GAD2: variants seen among roughly 807,000 people sequenced by gnomAD.
The protein encoded by GAD2 is 65 kDa glutamic acid decarboxylase.
GAD2 carries 22 observed loss-of-function variants against 80.1 expected under a neutral mutation model. That is an observed-to-expected ratio of 0.27 (90% CI 0.20 to 0.39). GAD2 has a LOEUF of 0.39. Ranked by LOEUF, GAD2 falls within the 10% of genes least tolerant of loss-of-function variation. The pLI is 1.00. For synonymous variants in GAD2, 274 were observed against 256.9 expected (o/e 1.07, Z -0.64); for missense variants, 624 against 738.4 (o/e 0.85, Z 1.80).
intron 8 of GAD2, among the ~76,000 whole-genome samples, chr10:26,268,467 CAAAA>C (rs398045927): frequency 9.6e-5 from 9 of 93,620 alleles, no homozygotes; most frequent in Admixed American, 2.4e-4. Flanking sequence ...GACTCTGTCT[CAAAA>C]AAAAAAAAAA....
intron 12 of GAD2, among the ~76,000 whole-genome samples, chr10:26,283,872 A>T (rs985954404): frequency 6.6e-6 from 1 of 152,234 alleles, no homozygotes; most frequent in Non-Finnish European, 1.5e-5. Flanking sequence ...TGGCAATTTG[A>T]TGTTACCGTT....
intron 9 of GAD2, among the ~76,000 whole-genome samples, chr10:26,269,809 G>A (rs967106667): frequency 6.6e-6 from 1 of 152,212 alleles, no homozygotes; most frequent in Non-Finnish European, 1.5e-5. Flanking sequence ...TAGGAACTCA[G>A]AAATAATGAT....
intron 7 of GAD2, among the ~76,000 whole-genome samples, chr10:26,237,368 G>C (rs550066785): frequency 6.6e-6 from 1 of 152,088 alleles, no homozygotes; most frequent in African/African-American, 2.4e-5. Context: ...ATGACCCTTC[G>C]TCTCCTCCTC....
At chr10:26,294,836 G>A (rs1834255978) in intron 15 of GAD2, among the ~76,000 whole-genome samples, 1 of 152,128 alleles carries the variant, frequency 6.6e-6, no homozygotes, top group South Asian at 2.1e-4. Flanking sequence ...GCTGTCATTT[G>A]AGAGGAAAAA....
At chr10:26,297,002 C>T (rs1481043975) in intron 15 of GAD2, among the ~76,000 whole-genome samples, 1 of 152,064 alleles carries the variant, frequency 6.6e-6, no homozygotes, top group Non-Finnish European at 1.5e-5. Flanking sequence ...GCAACCTCCA[C>T]CTCTCAGGTT....
At position 26,225,696 on chromosome 10, in the gene GAD2, A is replaced by C. The variant is rs556657971; in HGVS notation, c.724+1045A>C. 2.6e-5 allele frequency among the ~76,000 whole-genome samples: 4 copies of C among 152,358 alleles called. No individual in the cohort carries two copies. The South Asian group carries it at 8.3e-4, about 32-fold the overall frequency. On this transcript the variant is annotated intron_variant, in intron 6 of 15. Coordinates refer to ENST00000376261, the MANE Select transcript of GAD2 (RefSeq NM_001134366.2). ...AAGAGTGACCCCAAGGCCAGGGCTTAAGTTAAGCATGTTTGCCTGCAAGCT... is the reference window on the plus strand; with the variant it reads ...AAGAGTGACCCCAAGGCCAGGGCTTCAGTTAAGCATGTTTGCCTGCAAGCT...
intron 7 of GAD2, among the ~76,000 whole-genome samples, chr10:26,233,012 T>C (rs913234564): frequency 6.6e-6 from 1 of 152,040 alleles, no homozygotes; most frequent in Non-Finnish European, 1.5e-5. Flanking sequence ...TTTTTTAATA[T>C]ATAACACCTT....
chr10:26,259,183 A>G (rs1418294497), intron 8 of GAD2, among the ~76,000 whole-genome samples: 2 of 152,142 alleles, frequency 1.3e-5, no homozygotes, highest in African/African-American at 2.4e-5. Flanking sequence ...TTACATCTTC[A>G]AGACTCTGCT....
At chr10:26,280,670 C>A (rs892830610) in intron 11 of GAD2, among the ~76,000 whole-genome samples, 3 of 151,984 alleles carry the variant, frequency 2.0e-5, no homozygotes, top group African/African-American at 7.3e-5. Flanking sequence ...ATTTTCCTTT[C>A]ACACATATTT....
chr10:26,228,506 G>A (rs1227272549), intron 6 of GAD2, among the ~76,000 whole-genome samples: 2 of 152,212 alleles, frequency 1.3e-5, no homozygotes, highest in East Asian at 1.9e-4. Context: ...GATGGACGTG[G>A]AGGTTTATCC....
chr10:26,281,868 C>G (rs958023165), intron 12 of GAD2, among the ~76,000 whole-genome samples: 2 of 152,134 alleles, frequency 1.3e-5, no homozygotes, highest in Admixed American at 1.3e-4. Context: ...TCAGATGATC[C>G]CCATTCAATT....
chr10:26,278,536 A>T (rs1262350439), intron 11 of GAD2, among the ~76,000 whole-genome samples: 1 of 152,148 alleles, frequency 6.6e-6, no homozygotes, highest in Non-Finnish European at 1.5e-5. Context: ...AACCCATACT[A>T]TCTGGCTCCT....
At chr10:26,238,898 A>T (rs1218929882) in intron 7 of GAD2, among the ~76,000 whole-genome samples, 1 of 152,176 alleles carries the variant, frequency 6.6e-6, no homozygotes, top group African/African-American at 2.4e-5. Flanking sequence ...GTATAGGAGC[A>T]AGCGAATGGA....
chr10:26,225,796 G>T (rs1312759484), intron 6 of GAD2, among the ~76,000 whole-genome samples: 1 of 152,192 alleles, frequency 6.6e-6, no homozygotes, highest in African/African-American at 2.4e-5. Flanking sequence ...TTAGTTAAAT[G>T]GAAGGGAAAA....
intron 8 of GAD2, among the ~76,000 whole-genome samples, chr10:26,266,926 T>A (rs1422152532): frequency 6.6e-6 from 1 of 152,220 alleles, no homozygotes; most frequent in African/African-American, 2.4e-5. Flanking sequence ...CCTGGACTTT[T>A]ACCAGTATTT....
intron 12 of GAD2, among the ~76,000 whole-genome samples, chr10:26,284,715 G>A (rs1015792672): frequency 1.7e-4 from 26 of 152,006 alleles, no homozygotes; most frequent in African/African-American, 6.3e-4. Context: ...GGAACTACAG[G>A]CACCCACCAC....
chr10:26,260,525 G>C (rs956577115), intron 8 of GAD2, among the ~76,000 whole-genome samples: 10 of 152,158 alleles, frequency 6.6e-5, no homozygotes, highest in Non-Finnish European at 1.2e-4. Flanking sequence ...CTACTCGGGA[G>C]GCTGAGGCAG....
intron 10 of GAD2, 123 bp from the exon 11 acceptor site, chr10:26,273,513 A>G: frequency 1.3e-6 from 1 of 748,518 alleles, no homozygotes; most frequent in South Asian, 1.5e-5. Flanking sequence ...TAGTGCCAGA[A>G]GGAGGTGGTC....
At chr10:26,275,142 TAAAAG>T (rs1845184198) in intron 11 of GAD2, among the ~76,000 whole-genome samples, 1 of 151,992 alleles carries the variant, frequency 6.6e-6, no homozygotes, top group Non-Finnish European at 1.5e-5. Flanking sequence ...GGAGAGACAA[TAAAAG>T]AGAGAGAGAG....
Sources: allele counts gnomAD v4.1 joint callset (sites outside exome capture counted in the v4.1 genomes callset), GRCh38; gene constraint gnomAD v4.1.1; transcripts MANE v1.5; gene names NCBI Gene and HGNC (gene_info 2026-07-23, HGNC 2026-07-21).